The following KCNK12 variants were observed in gnomAD, a reference collection of about 807,000 sequenced individuals.
KCNK12 encodes the protein potassium two pore domain channel subfamily K member 12.
In KCNK12, 6 loss-of-function variants were observed where a neutral mutation model predicts 25.3. That is an observed-to-expected ratio of 0.24 (90% confidence interval 0.13 to 0.47). KCNK12 has a LOEUF of 0.47. KCNK12 is among the 20% of genes least tolerant of loss of function. The pLI is 0.99. For missense variants in KCNK12, 444 were observed against 661.7 expected (o/e 0.67, Z 3.61); for synonymous variants, 331 against 311.1 (o/e 1.06, Z -0.67).
At chr2:47,559,712 T>A (rs1346930819) in intron 1 of KCNK12, among the ~76,000 whole-genome samples, 1 of 152,220 alleles carries the variant, frequency 6.6e-6, no homozygotes, top group African/African-American at 2.4e-5. Context: ...AGACACATCT[T>A]AACCCACTGA....
At chr2:47,567,735 G>A (rs1669812136) in intron 1 of KCNK12, among the ~76,000 whole-genome samples, 1 of 152,194 alleles carries the variant, frequency 6.6e-6, no homozygotes, top group Non-Finnish European at 1.5e-5. Context: ...AACGTGCTGG[G>A]TCACTCGTAA....
intron 1 of KCNK12, among the ~76,000 whole-genome samples, chr2:47,539,269 C>G (rs986778308): frequency 1.3e-5 from 2 of 152,332 alleles, no homozygotes; most frequent in Middle Eastern, 3.4e-3. Context: ...AGCCTATAAT[C>G]TTTCAGTTAT....
chr2:47,544,886 CA>C (rs1445706035), intron 1 of KCNK12, among the ~76,000 whole-genome samples: 1 of 152,162 alleles, frequency 6.6e-6, no homozygotes, highest in Admixed American at 6.5e-5. Flanking sequence ...AAACAAAACC[CA>C]AAATTCATCC....
intron 1 of KCNK12, among the ~76,000 whole-genome samples, chr2:47,552,338 C>T (rs1438663727): frequency 1.3e-5 from 2 of 152,132 alleles, no homozygotes; most frequent in Non-Finnish European, 2.9e-5. Context: ...CCCTGCTGAG[C>T]CCAGCTTTGG....
In KCNK12 at chr2:47,542,121, G is replaced by T. The variant is rs117403276; in HGVS notation, c.392-20313C>A. Among the ~76,000 whole-genome samples the T allele has an allele frequency of 7.8e-4, 119 of 152,346 alleles. 3 individuals carry two copies. In the East Asian group the frequency reaches 0.019, roughly 24 times the overall value. ...CCCAGAGAAATAACCTCCTGGGCAG[G>T]ATAGGGGCAGCCAAGGAACCAGCTG... On this transcript the variant is annotated intron_variant, in intron 1 of 1. Transcript: ENST00000327876.
At chr2:47,530,670 T>C (rs748710127) in intron 1 of KCNK12, among the ~76,000 whole-genome samples, 3 of 152,208 alleles carry the variant, frequency 2.0e-5, no homozygotes, top group Non-Finnish European at 4.4e-5. Context: ...TTTCCTCTCA[T>C]GTTAACATCT....
rs58227429 is a variant in KCNK12 at position 47,533,227 on chromosome 2, T to TAAA, written c.392-11420_392-11419insTTT. ...GGTTTTACCATGTTGGCCAGGCTGG[T>TAAA]CTCCAACTCCTGACCTCAGGTGATC... On this transcript the variant is annotated intron_variant, in intron 1 of 1. Transcript: ENST00000327876. The surrounding 1 kb of genome is among the most constrained non-coding windows in gnomAD (Gnocchi z 4.7). Among the ~76,000 whole-genome samples the TAAA allele has an allele frequency of 0.46, 69,944 of 151,740 alleles. 17,124 individuals carry two copies. Among genetic ancestry groups the TAAA allele is most frequent in the East Asian group, 0.7 (3,593 of 5,108 alleles).
rs1417216719 is a variant in KCNK12, at chr2:47,570,932, C to G, written c.-601G>C. 6.6e-6 allele frequency: 1 copy of G among 152,246 alleles called. No homozygotes were observed. The allele number at this position is 152,246 out of a possible 1,614,324, so 9.4% of individuals were successfully genotyped here. A position where few individuals can be genotyped will look rare whatever the true frequency, so the allele number is the denominator to read the frequency against. ...GAGCCGAGCCGAGTCCGGGGAAGCG[C>G]TCCTTTCTCAGCTCCAGCCGAAGAG... On this transcript the variant is annotated 5_prime_UTR_variant, in exon 1 of 2. Coordinates refer to ENST00000327876, the MANE Select transcript of KCNK12 (RefSeq NM_022055.2).
rs1348645867 is a variant in KCNK12, at chr2:47,555,193, A to G, written c.391+14748T>C. On this transcript the variant is annotated intron_variant, in intron 1 of 1. Transcript: ENST00000327876. The surrounding 1 kb of genome is among the most constrained non-coding windows in gnomAD (Gnocchi z 4.5). ...TAGAAGATGGGTTATTCATCAATAG[A>G]TAAATGGGTTTAAAGCCAAAGGGTG... Among the ~76,000 whole-genome samples, 1 of 152,240 alleles carries G rather than the reference A, an allele frequency of 6.6e-6. No individual in the cohort carries two copies. Among genetic ancestry groups the G allele is most frequent in the Non-Finnish European group, 1.5e-5 (1 of 68,032 alleles).
At position 47,521,014 on chromosome 2, in the gene KCNK12, A is replaced by G. The variant is rs988712286; in HGVS notation, c.1186T>C (p.Tyr396His). Residue 396 changes from tyrosine (Y) to histidine (H), a missense_variant, in exon 2 of 2, where the codon TAC becomes CAC. Physicochemically the swap from Tyr to His is moderately conservative, Grantham distance 83 (BLOSUM62 2). This residue lies in a region of KCNK12 where 57 missense variants were observed against 68.9 expected (regional missense o/e 0.83). Coordinates refer to ENST00000327876, the MANE Select transcript of KCNK12 (RefSeq NM_022055.2). ...GTGTTGACGCACACGCTGCGCGGGT[A>G]GCCGTTGGCCGTCTCCGACAGCTGC... ...QKQLSETANG[Y>H]PRSVCVNTRQ... The G allele has an allele frequency of 1.4e-6, 2 of 1,397,792 alleles. No homozygotes were observed. Among genetic ancestry groups the G allele is most frequent in the African/African-American group, 1.5e-5 (1 of 66,748 alleles). 86.6% of individuals were successfully genotyped at this position (1,397,792 alleles called of 1,614,324 possible). A position where few individuals can be genotyped will look rare whatever the true frequency, so the allele number is the denominator to read the frequency against.
At position 47,512,036 on chromosome 2, in the gene KCNK12, C is replaced by T. The variant is rs186376051; in HGVS notation, c.*8871G>A. Among the ~76,000 whole-genome samples the T allele has an allele frequency of 1.5e-3, 221 of 152,302 alleles. 1 individual carries two copies. Among genetic ancestry groups the T allele is most frequent in the Non-Finnish European group, 2.5e-4 (17 of 68,020 alleles). On this transcript the variant is annotated 3_prime_UTR_variant, in exon 2 of 2. Coordinates refer to ENST00000327876, the MANE Select transcript of KCNK12 (RefSeq NM_022055.2). ...AGCAGAAACAAATGAAAACGAGGAT[C>T]TGGAGCTCATGAAGTTTCTCATGGG...
At position 47,528,170 on chromosome 2, in the gene KCNK12, T is replaced by A. The variant is rs1166340960; in HGVS notation, c.392-6362A>T. 6.6e-6 allele frequency: 1 copy of A among 152,306 alleles called. No individual in the cohort carries two copies. The highest frequency in any genetic ancestry group is 2.4e-5 in the African/African-American group (1 of 41,450). 9.4% of individuals were successfully genotyped at this position (152,306 alleles called of 1,614,324 possible). On this transcript the variant is annotated intron_variant, in intron 1 of 1. Transcript: ENST00000327876. This position sits in a 1 kb window ranked among gnomAD's most constrained non-coding sequence, Gnocchi z 4.5. ...ACTAGACTAGCTGTGTAACACCATC[T>A]GCCCAGAATGAAGGGACAGGTGAGG...
Position 47,556,952 on chromosome 2 carries a change from G to T in KCNK12, c.391+12989C>A, listed in dbSNP as rs1669561982. On this transcript the variant is annotated intron_variant, in intron 1 of 1. Transcript: ENST00000327876. This position sits in a 1 kb window ranked among gnomAD's most constrained non-coding sequence, Gnocchi z 4.8. The stretch of plus-strand genomic sequence containing the variant: ...CATAGATAGAACCAAATGACCTGCT[G>T]GGGTGGGATGGAAAGAAATATGGTT... Among the ~76,000 whole-genome samples, 2 of 152,184 alleles carry T rather than the reference G, an allele frequency of 1.3e-5. No individual in the cohort carries two copies. The highest frequency in any genetic ancestry group is 1.3e-4 in the Admixed American group (2 of 15,284).
In KCNK12 at chr2:47,533,383, C is replaced by T. The variant is rs553328305; in HGVS notation, c.392-11575G>A. Among the ~76,000 whole-genome samples, 6 of 152,248 alleles carry T rather than the reference C, an allele frequency of 3.9e-5. No individual in the cohort carries two copies. Among genetic ancestry groups the T allele is most frequent in the South Asian group, 2.1e-4 (1 of 4,828 alleles). ...GTTCCCACATGCATCCCACAGTGCCCGGGACATAGTAAGCTCCCCAAAAGC... is the reference window on the plus strand; with the variant it reads ...GTTCCCACATGCATCCCACAGTGCCTGGGACATAGTAAGCTCCCCAAAAGC... On this transcript the variant is annotated intron_variant, in intron 1 of 1. Transcript: ENST00000327876. The surrounding 1 kb of genome is among the most constrained non-coding windows in gnomAD (Gnocchi z 4.7).
rs1212278391 is a variant in KCNK12, at chr2:47,566,686, T to TTACA, written c.391+3254_391+3255insTGTA. 3 of 152,102 alleles carry TTACA rather than the reference T, an allele frequency of 2.0e-5. No individual in the cohort carries two copies. Among genetic ancestry groups the TTACA allele is most frequent in the Admixed American group, 2.0e-4 (3 of 15,274 alleles). 9.4% of individuals were successfully genotyped at this position (152,102 alleles called of 1,614,324 possible). A position where few individuals can be genotyped will look rare whatever the true frequency, so the allele number is the denominator to read the frequency against. On this transcript the variant is annotated intron_variant, in intron 1 of 1. Coordinates refer to ENST00000327876, the MANE Select transcript of KCNK12 (RefSeq NM_022055.2). The surrounding 1 kb of genome is among the most constrained non-coding windows in gnomAD (Gnocchi z 4.1). Reference sequence around the variant, plus strand: ...CGTGACCAATAGACCAGCAGACCAGTCCCTGCCCTGGTTACACACACATAC... The same window carrying TTACA: ...CGTGACCAATAGACCAGCAGACCAGTTACACCCTGCCCTGGTTACACACACATAC...
At position 47,562,290 on chromosome 2, in the gene KCNK12, A is replaced by G. The variant is rs561285324; in HGVS notation, c.391+7651T>C. 43 of 395,302 alleles carry G rather than the reference A, an allele frequency of 1.1e-4. No homozygotes were observed. The highest frequency in any genetic ancestry group is 5.8e-4 in the African/African-American group (28 of 48,670). 24.5% of individuals were successfully genotyped at this position (395,302 alleles called of 1,614,324 possible). A position where few individuals can be genotyped will look rare whatever the true frequency, so the allele number is the denominator to read the frequency against. ...ACATCTGTTGCTGTTGAGTATAAAG[A>G]CACTGTGAACATTGTAAAATCTGCA... On this transcript the variant is annotated intron_variant, in intron 1 of 1. Coordinates refer to ENST00000327876, the MANE Select transcript of KCNK12 (RefSeq NM_022055.2). This position sits in a 1 kb window ranked among gnomAD's most constrained non-coding sequence, Gnocchi z 4.8.
At position 47,520,968 on chromosome 2, in the gene KCNK12, C is replaced by T. The variant is rs1668639536; in HGVS notation, c.1232G>A (p.Gly411Asp). ...CVNTRQNGFS[G>D]GVGALGIMNN... ...CATGATGCCCAGCGCGCCCACGCCG[C>T]CCGAGAAGCCGTTCTGGCGCGTGTT... Residue 411 changes from glycine (G) to aspartate (D), a missense_variant, in exon 2 of 2, where the codon GGC (glycine) becomes GAC (aspartate). Physicochemically the swap from Gly to Asp is moderately conservative, Grantham distance 94. Transcript: ENST00000327876. This position sits in a 1 kb window ranked among gnomAD's most constrained non-coding sequence, Gnocchi z 5.0. 1.5e-6 allele frequency: 2 copies of T among 1,312,356 alleles called. No homozygotes were observed. Among genetic ancestry groups the T allele is most frequent in the Non-Finnish European group, 1.9e-6 (2 of 1,027,572 alleles). 81.3% of individuals were successfully genotyped at this position (1,312,356 alleles called of 1,614,324 possible).
chr2:47,535,805 T>G lies in KCNK12; in HGVS notation c.392-13997A>C, dbSNP rs550876516. Among the ~76,000 whole-genome samples the G allele has an allele frequency of 7.7e-4, 117 of 152,276 alleles. 1 individual carries two copies. In the South Asian group the frequency reaches 0.011, roughly 15 times the overall value. ...CCCTGAGATGAGCATTCAATCATAC[T>G]GCGCCAGGGTACTTGCTGTGGCCAA... On this transcript the variant is annotated intron_variant, in intron 1 of 1. Transcript: ENST00000327876.
In KCNK12 at chr2:47,570,522, C is replaced by T; in HGVS notation, c.-191G>A. On this transcript the variant is annotated 5_prime_UTR_variant, in exon 1 of 2. Transcript: ENST00000327876. ...AGGGGCGCCTCCGCCTCCTCCCCGG[C>T]GCTCAGGCCACACGCGAGTCCCGTG... The T allele has an allele frequency of 4.1e-6, 2 of 482,864 alleles. No individual in the cohort carries two copies. Among genetic ancestry groups the T allele is most frequent in the South Asian group, 1.0e-4 (1 of 9,652 alleles). 29.9% of individuals were successfully genotyped at this position (482,864 alleles called of 1,614,324 possible).
Sources: gnomAD v4.1 joint callset for allele counts (sites outside exome capture counted in the v4.1 genomes callset) on GRCh38, gnomAD v4.1.1 for gene constraint, gnomAD v4.1.1 regional missense constraint, Gnocchi (gnomAD v3.1) non-coding constraint, MANE v1.5 for transcripts, NCBI Gene and HGNC (gene_info 2026-07-23, HGNC 2026-07-21) for gene names.